The following AASS variants were observed in gnomAD, a reference collection of about 807,000 sequenced individuals.
AASS encodes the protein aminoadipate-semialdehyde synthase.
In AASS, 86 loss-of-function variants were observed where a neutral mutation model predicts 105.4. The observed-to-expected ratio is 0.82, with a 90% CI of 0.69 to 0.98. AASS has a LOEUF of 0.98. Ranked by LOEUF, AASS falls within the 50% of genes least tolerant of loss-of-function variation. The pLI, the probability that AASS is intolerant of heterozygous loss-of-function variation, is 0.00. For missense variants in AASS, 1,048 were observed against 1,143.2 expected (o/e 0.92, Z 1.20); for synonymous variants, 381 against 394.8 (o/e 0.96, Z 0.41).
chr7:122,098,341 A>T, intron 15 of AASS, 109 bp downstream of exon 15: 2 of 1,295,812 alleles, frequency 1.5e-6, no homozygotes, highest in Non-Finnish European at 2.2e-6. Context: ...TACTTCAATT[A>T]AAAACTTTAC....
chr7:122,077,689 T>A, intron 23 of AASS, 149 bp downstream of exon 23: 1 of 958,534 alleles, frequency 1.0e-6, no homozygotes, highest in Non-Finnish European at 1.6e-6. Context: ...AAAGGGGACC[T>A]CCCAGGCAGT....
chr7:122,099,610 T>C (rs1794332585), intron 13 of AASS, among the ~76,000 whole-genome samples: 1 of 151,936 alleles, frequency 6.6e-6, no homozygotes, highest in Admixed American at 6.6e-5. Context: ...GTCTTAAATA[T>C]GGAATTTACT....
chr7:122,095,791 G>A (rs1241649455), intron 15 of AASS, among the ~76,000 whole-genome samples: 2 of 152,002 alleles, frequency 1.3e-5, no homozygotes, highest in East Asian at 3.9e-4. Flanking sequence ...GGAAACCACT[G>A]AGCAAAATAC....
chr7:122,092,789 G>A, intron 17 of AASS, 54 bp downstream of exon 17: 1 of 1,384,528 alleles, frequency 7.2e-7, no homozygotes, highest in Admixed American at 1.7e-5. Flanking sequence ...CTTTGATTCT[G>A]TACACAAGAA....
At chr7:122,089,546 T>C (rs1562909782) in intron 18 of AASS, among the ~76,000 whole-genome samples, 3 of 152,178 alleles carry the variant, frequency 2.0e-5, no homozygotes, top group Non-Finnish European at 4.4e-5. Flanking sequence ...AAATAACCTC[T>C]TGTTTGTCTT....
intron 4 of AASS, among the ~76,000 whole-genome samples, chr7:122,124,110 A>T (rs929275290): frequency 6.6e-6 from 1 of 152,010 alleles, no homozygotes; most frequent in Non-Finnish European, 1.5e-5. Context: ...ATTCCTCAAA[A>T]CTATTATTTT....
chr7:122,110,515 C>T (rs768958831), intron 11 of AASS, among the ~76,000 whole-genome samples: 19 of 151,670 alleles, frequency 1.3e-4, no homozygotes, highest in Non-Finnish European at 2.4e-4. Flanking sequence ...AACAAAAATG[C>T]TACCAACCCA....
At chr7:122,108,609 G>C (rs962380898) in intron 11 of AASS, among the ~76,000 whole-genome samples, 1 of 151,896 alleles carries the variant, frequency 6.6e-6, no homozygotes, top group South Asian at 2.1e-4. Flanking sequence ...AAAAATATTT[G>C]ACAAATTCAA....
In AASS at chr7:122,076,461, GA is replaced by G. The variant is rs750515085; in HGVS notation, c.*27del. 4.7e-6 allele frequency: 7 copies of G among 1,504,840 alleles called. No individual in the cohort carries two copies. Among genetic ancestry groups the G allele is most frequent in the Admixed American group, 1.7e-5 (1 of 59,854 alleles). 93.2% of individuals were successfully genotyped at this position (1,504,840 alleles called of 1,614,324 possible). On this transcript the variant is annotated 3_prime_UTR_variant, in exon 24 of 24. Coordinates refer to ENST00000417368, the MANE Select transcript of AASS (RefSeq NM_005763.4). The stretch of plus-strand genomic sequence containing the variant: ...ACATGTTCAGAGGTGTATTGCCTGG[GA>G]AGAAAAAAACAAAATATAATTCCCA...
At chr7:122,098,315 G>T in intron 15 of AASS, 135 bp downstream of exon 15, 2 of 856,644 alleles carry the variant, frequency 2.3e-6, no homozygotes, top group Non-Finnish European at 3.6e-6. Context: ...TATGATTTGT[G>T]CACCTTCTGG....
At chr7:122,097,060 T>C in intron 15 of AASS, among the ~76,000 whole-genome samples, 1 of 152,234 alleles carries the variant, frequency 6.6e-6, no homozygotes, top group Non-Finnish European at 1.5e-5. Context: ...CTCATAACAT[T>C]TATATAAATT....
At chr7:122,121,395 G>T (rs1376372884) in intron 4 of AASS, among the ~76,000 whole-genome samples, 1 of 151,978 alleles carries the variant, frequency 6.6e-6, no homozygotes, top group South Asian at 2.1e-4. Flanking sequence ...ATCTTTTAAA[G>T]AATTTTTTTG....
Position 122,076,291 on chromosome 7 carries a change from G to A in AASS, c.*198C>T, listed in dbSNP as rs1793003023. 3.6e-6 allele frequency: 2 copies of A among 553,834 alleles called. No homozygotes were observed. The highest frequency in any genetic ancestry group is 6.4e-6 in the Non-Finnish European group (2 of 312,228). 34.3% of individuals were successfully genotyped at this position (553,834 alleles called of 1,614,324 possible). On this transcript the variant is annotated 3_prime_UTR_variant, in exon 24 of 24. Transcript: ENST00000417368. ...TAAAATACAGGGTAGAATTATTAAA[G>A]TTCTCTGTTAGTGGCTTGCATCTCC...
At chr7:122,093,257 G>T in intron 15 of AASS, 99 bp from the exon 16 acceptor site, 2 of 889,566 alleles carry the variant, frequency 2.2e-6, no homozygotes, top group Non-Finnish European at 1.9e-6. Flanking sequence ...GTACTGTTCT[G>T]ATTAAATTAT....
chr7:122,133,087 A>G (rs1584898878), intron 2 of AASS, among the ~76,000 whole-genome samples: 1 of 152,316 alleles, frequency 6.6e-6, no homozygotes. Context: ...TCTGTGATCT[A>G]CTTTAAAATG....
At chr7:122,077,426 A>C (rs777853105) in intron 23 of AASS, among the ~76,000 whole-genome samples, 1 of 152,192 alleles carries the variant, frequency 6.6e-6, no homozygotes, top group Non-Finnish European at 1.5e-5. Flanking sequence ...CACTCCCAAC[A>C]TGGCAAAAAC....
chr7:122,114,337 A>G lies in AASS; in HGVS notation c.1044-617T>C, dbSNP rs533448545. Among the ~76,000 whole-genome samples, 4 of 152,168 alleles carry G rather than the reference A, an allele frequency of 2.6e-5. No homozygotes were observed. The South Asian group carries it at 8.3e-4, about 32-fold the overall frequency. ...CTCCCTTTAAGGTTTGCTGCGCCCA[A>G]TGCTTCTGCTTTCTTCTAAACCCTG... On this transcript the variant is annotated intron_variant, in intron 9 of 23. Transcript: ENST00000417368.
intron 4 of AASS, 53 bp downstream of exon 4, chr7:122,126,322 T>A: frequency 6.6e-7 from 1 of 1,514,004 alleles, no homozygotes; most frequent in Non-Finnish European, 9.2e-7. Context: ...AAACTCACAG[T>A]TATTCCCCAA....
intron 1 of AASS, among the ~76,000 whole-genome samples, chr7:122,138,586 A>G (rs1343269453): frequency 6.6e-6 from 1 of 152,184 alleles, no homozygotes; most frequent in Non-Finnish European, 1.5e-5. Flanking sequence ...TTGGATAAGA[A>G]GGAACTACTA....
Sources: allele counts gnomAD v4.1 joint callset (sites outside exome capture counted in the v4.1 genomes callset), GRCh38; gene constraint gnomAD v4.1.1; transcripts MANE v1.5; gene names NCBI Gene and HGNC (gene_info 2026-07-23, HGNC 2026-07-21).